Variants in SUPT3H observed in about 807,000 individuals in gnomAD.
SUPT3H encodes the protein SPT3 homolog, SAGA and STAGA complex component, also known as transcription initiation protein SPT3 homolog.
SUPT3H carries 44 observed loss-of-function variants against 44.3 expected under a neutral mutation model. The observed-to-expected ratio is 0.99, with a 90% CI of 0.78 to 1.28. The LOEUF (loss-of-function observed/expected upper bound fraction) is 1.28. Ranked by LOEUF, SUPT3H falls within the 50% of genes most tolerant of loss-of-function variation. The probability of loss-of-function intolerance (pLI) is 0.00; values close to 1 mark genes in which losing one functional copy is unlikely to be tolerated. For synonymous variants in SUPT3H, 124 were observed against 125.6 expected, an observed-to-expected ratio of 0.99 and a Z score of 0.09; for missense variants, 380 against 387.1, an observed-to-expected ratio of 0.98 and a Z score of 0.15.
At chr6:45,091,793 T>A (rs1009463247) in intron 3 of SUPT3H, among the ~76,000 whole-genome samples, 2 of 152,178 alleles carry the variant, frequency 1.3e-5, no homozygotes, top group Admixed American at 1.3e-4. Context: ...TATACAGTTT[T>A]GGGGAGAAAA....
At chr6:44,928,707 C>T (rs1288431677) in intron 10 of SUPT3H, among the ~76,000 whole-genome samples, 2 of 150,956 alleles carry the variant, frequency 1.3e-5, no homozygotes, top group African/African-American at 4.9e-5. Context: ...CACGGTGAAA[C>T]CCCGTCTCTA....
rs7742332 is a variant in SUPT3H, at chr6:45,118,856, A to G, written c.102-12850T>C. On this transcript the variant is annotated intron_variant, in intron 2 of 10. Coordinates refer to ENST00000371459, the MANE Select transcript of SUPT3H (RefSeq NM_003599.4). The stretch of plus-strand genomic sequence containing the variant: ...TCAACCCTGTTATGTTCTTTGGCCA[A>G]TGGGATATTATTAGCAGCAGAGGCT... Among the ~76,000 whole-genome samples the G allele has an allele frequency of 3.9e-5, 6 of 152,154 alleles. No individual in the cohort carries two copies. In the South Asian group the frequency reaches 8.3e-4, roughly 21 times the overall value.
intron 7 of SUPT3H, among the ~76,000 whole-genome samples, chr6:44,959,723 G>C (rs1184577976): frequency 6.6e-6 from 1 of 152,130 alleles, no homozygotes; most frequent in Non-Finnish European, 1.5e-5. Context: ...CGATGCTACA[G>C]CTTACCCTCA....
At chr6:45,301,441 T>C (rs915021403) in intron 2 of SUPT3H, among the ~76,000 whole-genome samples, 5 of 152,194 alleles carry the variant, frequency 3.3e-5, no homozygotes, top group African/African-American at 1.2e-4. Flanking sequence ...TTATTCTTTT[T>C]AGTTTAGGGT....
At chr6:44,997,754 T>A (rs1781461739) in intron 6 of SUPT3H, among the ~76,000 whole-genome samples, 1 of 151,868 alleles carries the variant, frequency 6.6e-6, no homozygotes, top group Non-Finnish European at 1.5e-5. Context: ...TTTAAAACTA[T>A]CATGATGTCT....
chr6:44,833,543 G>A (rs1171244480), intron 10 of SUPT3H, among the ~76,000 whole-genome samples: 1 of 152,044 alleles, frequency 6.6e-6, no homozygotes, highest in Non-Finnish European at 1.5e-5. Context: ...TATTTAATTT[G>A]AACTTACTTA....
intron 10 of SUPT3H, among the ~76,000 whole-genome samples, chr6:44,886,759 A>G (rs1325458457): frequency 6.6e-6 from 1 of 152,138 alleles, no homozygotes; most frequent in Non-Finnish European, 1.5e-5. Flanking sequence ...TCAAATTCAC[A>G]CATAACAATA....
chr6:45,251,340 T>C (rs1031664160), intron 2 of SUPT3H, among the ~76,000 whole-genome samples: 1 of 152,030 alleles, frequency 6.6e-6, no homozygotes, highest in African/African-American at 2.4e-5. Flanking sequence ...TATGTTTCTC[T>C]AAAACCAATT....
chr6:45,201,444 GAGTT>G (rs1425606336), intron 2 of SUPT3H, among the ~76,000 whole-genome samples: 2 of 151,620 alleles, frequency 1.3e-5, no homozygotes, highest in Admixed American at 6.6e-5. Flanking sequence ...TCTATAATGA[GAGTT>G]AGTTATTCCA....
chr6:45,220,728 G>A (rs1765896021), intron 2 of SUPT3H, among the ~76,000 whole-genome samples: 1 of 152,144 alleles, frequency 6.6e-6, no homozygotes, highest in African/African-American at 2.4e-5. Context: ...GTGAACCCTA[G>A]AAGAAAACCT....
intron 2 of SUPT3H, among the ~76,000 whole-genome samples, chr6:45,299,866 G>A (rs1172574279): frequency 1.0e-5 from 1 of 96,510 alleles, no homozygotes. Flanking sequence ...ATGTTTTTAT[G>A]TTCTTTTTAT....
chr6:45,284,046 G>A (rs376244447), intron 2 of SUPT3H, among the ~76,000 whole-genome samples: 1 of 152,174 alleles, frequency 6.6e-6, no homozygotes, highest in South Asian at 2.1e-4. Context: ...TGAAACCAAC[G>A]AGAACAAAGA....
chr6:45,260,327 T>G (rs1488231110), intron 2 of SUPT3H, among the ~76,000 whole-genome samples: 1 of 152,118 alleles, frequency 6.6e-6, no homozygotes, highest in Non-Finnish European at 1.5e-5. Flanking sequence ...TTGGTAGGTA[T>G]TAAAGGGTCC....
At chr6:45,021,585 A>C (rs555317598) in intron 3 of SUPT3H, among the ~76,000 whole-genome samples, 1 of 152,074 alleles carries the variant, frequency 6.6e-6, no homozygotes, top group East Asian at 1.9e-4. Context: ...AAATACTATA[A>C]AAAGTTACAT....
chr6:45,222,481 C>T (rs991573120), intron 2 of SUPT3H, among the ~76,000 whole-genome samples: 1 of 151,988 alleles, frequency 6.6e-6, no homozygotes, highest in African/African-American at 2.4e-5. Context: ...AAATGTAAAC[C>T]ACAGGAGATT....
At chr6:44,816,224 G>A (rs1766901256) in intron 11 of SUPT3H, among the ~76,000 whole-genome samples, 1 of 152,106 alleles carries the variant, frequency 6.6e-6, no homozygotes, top group South Asian at 2.1e-4. Context: ...AGCTAAAGTA[G>A]TGTTTAGAGG....
chr6:45,217,168 T>A (rs1765198024), intron 2 of SUPT3H, among the ~76,000 whole-genome samples: 1 of 151,742 alleles, frequency 6.6e-6, no homozygotes, highest in Non-Finnish European at 1.5e-5. Flanking sequence ...ATAAAGTTTC[T>A]ACATTTCCTT....
At chr6:45,008,766 A>G (rs1783065801) in intron 5 of SUPT3H, among the ~76,000 whole-genome samples, 1 of 149,524 alleles carries the variant, frequency 6.7e-6, no homozygotes, top group African/African-American at 2.5e-5. Context: ...TTTGAGATGG[A>G]ATCTCCCTCT....
At chr6:45,046,633 T>C (rs1288753303) in intron 3 of SUPT3H, among the ~76,000 whole-genome samples, 1 of 152,200 alleles carries the variant, frequency 6.6e-6, no homozygotes, top group Non-Finnish European at 1.5e-5. Context: ...TCTCAGCCCA[T>C]ACTGCTTTAC....
Sources: gnomAD v4.1 joint callset for allele counts (sites outside exome capture counted in the v4.1 genomes callset) on GRCh38, gnomAD v4.1.1 for gene constraint, MANE v1.5 for transcripts, NCBI Gene and HGNC (gene_info 2026-07-23, HGNC 2026-07-21) for gene names.